Variants in EPHA7 observed in about 807,000 individuals in gnomAD.
EPHA7 encodes the protein EPH receptor A7.
A neutral mutation model predicts 112.6 loss-of-function variants in EPHA7; 25 were observed. That is an observed-to-expected ratio of 0.22 (90% CI 0.16 to 0.31). The LOEUF (loss-of-function observed/expected upper bound fraction) is 0.31, where lower values mean the gene tolerates loss of function less well. EPHA7 is among the 10% of genes least tolerant of loss of function. The pLI is 1.00. For missense variants in EPHA7, 962 were observed against 1,212.6 expected, an observed-to-expected ratio of 0.79 and a Z score of 3.07; for synonymous variants, 437 against 406.5, an observed-to-expected ratio of 1.07 and a Z score of -0.90.
chr6:93,369,658 T>C (rs1484053384), intron 3 of EPHA7, among the ~76,000 whole-genome samples: 1 of 152,200 alleles, frequency 6.6e-6, no homozygotes, highest in Admixed American at 6.5e-5. Flanking sequence ...GCCATAATTA[T>C]TTCTTTATGC....
chr6:93,391,962 G>C (rs550990284), intron 3 of EPHA7, among the ~76,000 whole-genome samples: 1 of 151,876 alleles, frequency 6.6e-6, no homozygotes, highest in South Asian at 2.1e-4. Flanking sequence ...GAGCATATCA[G>C]ACAGCGTTAG....
chr6:93,257,853 C>T (rs1388550302), intron 11 of EPHA7, among the ~76,000 whole-genome samples: 4 of 151,960 alleles, frequency 2.6e-5, no homozygotes, highest in African/African-American at 7.2e-5. Flanking sequence ...GAAATAAAAA[C>T]ATTTATCAGT....
At position 93,358,429 on chromosome 6, in the gene EPHA7, A is replaced by C; in HGVS notation, c.833-18T>G. 6.3e-7 allele frequency: 1 copy of C among 1,585,584 alleles called. No individual in the cohort carries two copies. Among genetic ancestry groups the C allele is most frequent in the Admixed American group, 1.8e-5 (1 of 54,102 alleles). On this transcript the variant is annotated intron_variant, in intron 3 of 16. Coordinates refer to ENST00000369303, the MANE Select transcript of EPHA7 (RefSeq NM_004440.4). ...GCCACAGGCTGGGAATGCAAAAGAAAGCAAAAATTGAGACATGAGAGCAAA... is the reference window on the plus strand; with the variant it reads ...GCCACAGGCTGGGAATGCAAAAGAACGCAAAAATTGAGACATGAGAGCAAA...
chr6:93,293,188 T>G (rs1041666547), intron 5 of EPHA7, among the ~76,000 whole-genome samples: 1 of 151,166 alleles, frequency 6.6e-6, no homozygotes, highest in East Asian at 1.9e-4. Flanking sequence ...TATATATAAT[T>G]TTTTGTTATT....
At chr6:93,339,173 A>C (rs943762047) in intron 5 of EPHA7, among the ~76,000 whole-genome samples, 8 of 151,734 alleles carry the variant, frequency 5.3e-5, no homozygotes, top group Middle Eastern at 3.4e-3. Context: ...TCAGAATTCA[A>C]AGTTCATTTT....
chr6:93,388,712 C>A (rs886842861), intron 3 of EPHA7, among the ~76,000 whole-genome samples: 1 of 151,708 alleles, frequency 6.6e-6, no homozygotes, highest in Non-Finnish European at 1.5e-5. Flanking sequence ...AGATAACAAT[C>A]CAGGCAGAAA....
chr6:93,245,481 AC>A, intron 15 of EPHA7, 28 bp from the exon 16 acceptor site: 1 of 1,598,078 alleles, frequency 6.3e-7, no homozygotes, highest in South Asian at 1.1e-5. Context: ...AGAAAAGCGA[AC>A]ATTATCCTGA....
intron 5 of EPHA7, among the ~76,000 whole-genome samples, chr6:93,304,245 T>C (rs1773141116): frequency 6.6e-6 from 1 of 151,904 alleles, no homozygotes; most frequent in African/African-American, 2.4e-5. Context: ...AAGTGTACAC[T>C]TGCTCAGATT....
At chr6:93,368,773 G>T (rs1158224140) in intron 3 of EPHA7, among the ~76,000 whole-genome samples, 1 of 152,104 alleles carries the variant, frequency 6.6e-6, no homozygotes, top group South Asian at 2.1e-4. Flanking sequence ...TTTTAAAAAT[G>T]ATTAAAGCAA....
chr6:93,257,987 C>G, intron 11 of EPHA7, 112 bp downstream of exon 11: 1 of 1,005,880 alleles, frequency 9.9e-7, no homozygotes, highest in Non-Finnish European at 1.4e-6. Flanking sequence ...CAAGAAAACA[C>G]ATTCATTTAG....
chr6:93,354,603 C>A, intron 5 of EPHA7, among the ~76,000 whole-genome samples: 1 of 136,032 alleles, frequency 7.4e-6, no homozygotes, highest in Non-Finnish European at 1.6e-5. Context: ...ATTTATTGTA[C>A]ATTTAAATCA....
chr6:93,345,559 T>C (rs1775361665), intron 5 of EPHA7, among the ~76,000 whole-genome samples: 1 of 151,746 alleles, frequency 6.6e-6, no homozygotes, highest in Non-Finnish European at 1.5e-5. Flanking sequence ...GACCTATTTG[T>C]AAATTAAGTG....
chr6:93,279,980 CT>C (rs1219829244), intron 5 of EPHA7, among the ~76,000 whole-genome samples: 6 of 152,112 alleles, frequency 3.9e-5, no homozygotes, highest in African/African-American at 1.4e-4. Flanking sequence ...AACATTTTTA[CT>C]GATTTCTGAT....
At chr6:93,305,603 T>C (rs1379013951) in intron 5 of EPHA7, among the ~76,000 whole-genome samples, 1 of 151,886 alleles carries the variant, frequency 6.6e-6, no homozygotes, top group Admixed American at 6.6e-5. Context: ...TGTGGCTTTC[T>C]TTTTCATTCT....
chr6:93,346,882 A>G (rs1430899409), intron 5 of EPHA7, among the ~76,000 whole-genome samples: 1 of 151,802 alleles, frequency 6.6e-6, no homozygotes, highest in East Asian at 1.9e-4. Context: ...TAAAGTGGCT[A>G]TTTATTTGCA....
Position 93,245,316 on chromosome 6 carries a change from A to G in EPHA7, c.2864T>C (p.Val955Ala). ...AGCTTACTCAATAGTCATCCTGGCT[A>G]CTGATTCAAGGGAATTGTAGCCAGC... ...TAAGYNSLES[V>A]ARMTIEDVMS... The change falls in exon 16 of 17, where the codon GTA (valine) becomes GCA (alanine). Residue 955 changes from valine to alanine, a missense_variant. By Grantham distance (64) the Val-to-Ala change is moderately conservative. Coordinates refer to ENST00000369303, the MANE Select transcript of EPHA7 (RefSeq NM_004440.4). 1 of 1,613,096 alleles carries G rather than the reference A, an allele frequency of 6.2e-7. No individual in the cohort carries two copies. The highest frequency in any genetic ancestry group is 8.5e-7 in the Non-Finnish European group (1 of 1,179,788).
intron 3 of EPHA7, among the ~76,000 whole-genome samples, chr6:93,375,738 T>A (rs1023338895): frequency 6.6e-6 from 1 of 152,260 alleles, no homozygotes; most frequent in Middle Eastern, 3.4e-3. Context: ...TAACTTACAT[T>A]TGAAGTCAGT....
At chr6:93,344,048 T>C (rs1045385470) in intron 5 of EPHA7, among the ~76,000 whole-genome samples, 5 of 151,576 alleles carry the variant, frequency 3.3e-5, no homozygotes, top group South Asian at 2.1e-4. Flanking sequence ...ACTTTTTATA[T>C]TGGCAAGTAC....
chr6:93,259,614 A>G (rs1770596163), intron 9 of EPHA7, 135 bp from the exon 10 acceptor site: 1 of 999,824 alleles, frequency 1.0e-6, no homozygotes, highest in Non-Finnish European at 1.5e-6. Context: ...CAGCAGTTTT[A>G]ACAGACTACT....
Sources: gnomAD v4.1 joint callset for allele counts (sites outside exome capture counted in the v4.1 genomes callset) on GRCh38, gnomAD v4.1.1 for gene constraint, MANE v1.5 for transcripts, NCBI Gene and HGNC (gene_info 2026-07-23, HGNC 2026-07-21) for gene names.